PRKAG2: variants seen among roughly 807,000 people sequenced by gnomAD.
The protein encoded by PRKAG2 is protein kinase AMP-activated non-catalytic subunit gamma 2.
A neutral mutation model predicts 69.6 loss-of-function variants in PRKAG2; 26 were observed. The ratio of observed to expected loss-of-function variants is 0.37; its 90% CI spans 0.27 to 0.52. The LOEUF is 0.52. PRKAG2 is among the 20% of genes least tolerant of loss of function. The probability of loss-of-function intolerance (pLI) is 0.90; values close to 1 mark genes in which losing one functional copy is unlikely to be tolerated. For synonymous variants in PRKAG2, 293 were observed against 285.0 expected, an observed-to-expected ratio of 1.03 and a Z score of -0.28; for missense variants, 557 against 740.0, an observed-to-expected ratio of 0.75 and a Z score of 2.87.
intron 3 of PRKAG2, among the ~76,000 whole-genome samples, chr7:151,698,592 C>A (rs559001214): frequency 1.3e-5 from 2 of 152,116 alleles, no homozygotes; most frequent in African/African-American, 2.4e-5. Context: ...CACCATGTGA[C>A]ACCTCAGCTC....
At chr7:151,816,199 A>T (rs1032405642) in intron 1 of PRKAG2, among the ~76,000 whole-genome samples, 18 of 152,212 alleles carry the variant, frequency 1.2e-4, no homozygotes, top group African/African-American at 4.3e-4. Flanking sequence ...GGTACCAGGC[A>T]ATCCAGCTGT....
At chr7:151,857,566 G>A (rs771853858) in intron 1 of PRKAG2, among the ~76,000 whole-genome samples, 16 of 152,246 alleles carry the variant, frequency 1.1e-4, no homozygotes, top group Non-Finnish European at 1.0e-4. Context: ...TCAGGCGCCA[G>A]ACGGCTCCGG....
At chr7:151,806,344 G>A (rs2078100316) in intron 1 of PRKAG2, 3 of 152,328 alleles carry the variant, frequency 2.0e-5, no homozygotes, top group South Asian at 4.1e-4. Flanking sequence ...GGCCAGTGGT[G>A]AAGGCTGGCG....
chr7:151,839,828 G>GC (rs750919676), intron 1 of PRKAG2, among the ~76,000 whole-genome samples: 4 of 152,162 alleles, frequency 2.6e-5, no homozygotes, highest in African/African-American at 4.8e-5. Flanking sequence ...CGTAGCAGGG[G>GC]CCCGCCTTCC....
rs187574379 is a variant in PRKAG2 at position 151,861,986 on chromosome 7, C to T, written c.114+14521G>A. ...GTTCTTGAGAATCTAGTATGAGGGA[C>T]GGCTAGGTCCATGCCCGTCCCCTCA... is the stretch of plus-strand genomic sequence containing the variant. On this transcript the variant is annotated intron_variant, in intron 1 of 15. Transcript: ENST00000287878. Among the ~76,000 whole-genome samples the T allele has an allele frequency of 2.4e-4, 37 of 151,642 alleles. No individual in the cohort carries two copies. The East Asian group carries it at 4.3e-3, about 17-fold the overall frequency.
chr7:151,614,589 GCT>G lies in PRKAG2; in HGVS notation c.754+17478_754+17479del, dbSNP rs1819637821. Among the ~76,000 whole-genome samples, 1 of 151,898 alleles carries G rather than the reference GCT, an allele frequency of 6.6e-6. No homozygotes were observed. The highest frequency in any genetic ancestry group is 1.5e-5 in the Non-Finnish European group (1 of 67,978). ...TCCGCCCCTCACCAGCTTGCTTCCC[GCT>G]CTCTCTCCCCATCTCCACTTGACCT... On this transcript the variant is annotated intron_variant, in intron 5 of 15. Transcript: ENST00000287878. This position sits in a 1 kb window ranked among gnomAD's most constrained non-coding sequence, Gnocchi z 4.4.
intron 15 of PRKAG2, chr7:151,558,473 GA>G (rs1174465806): frequency 1.0e-6 from 1 of 983,498 alleles, no homozygotes; most frequent in East Asian, 1.1e-4. Context: ...CTCTACTGAA[GA>G]AATTGGGGCT....
chr7:151,580,651 A>C (rs1193193796), intron 6 of PRKAG2, among the ~76,000 whole-genome samples: 1 of 152,216 alleles, frequency 6.6e-6, no homozygotes, highest in Non-Finnish European at 1.5e-5. Context: ...GATGCTATGT[A>C]ATCTGTAAGA....
At chr7:151,742,392 C>T (rs1563570678) in intron 3 of PRKAG2, among the ~76,000 whole-genome samples, 1 of 152,162 alleles carries the variant, frequency 6.6e-6, no homozygotes. Flanking sequence ...CTTTGGGAGG[C>T]TGAGGCGGGT....
rs1341207080 is a variant in PRKAG2, at chr7:151,777,270, T to C, written c.466+3882A>G. Among the ~76,000 whole-genome samples, 2 of 152,298 alleles carry C rather than the reference T, an allele frequency of 1.3e-5. No individual in the cohort carries two copies. The highest frequency in any genetic ancestry group is 2.4e-5 in the African/African-American group (1 of 41,572). On this transcript the variant is annotated intron_variant, in intron 3 of 15. Coordinates refer to ENST00000287878, the MANE Select transcript of PRKAG2 (RefSeq NM_016203.4). The surrounding 1 kb of genome is among the most constrained non-coding windows in gnomAD (Gnocchi z 4.3). ...TCCCCAGGCCTGTGCCTGCGTTCCC[T>C]CACTGTGAGCACAGTGTCTGCTGGG...
chr7:151,662,555 T>C (rs1460846946), intron 4 of PRKAG2, among the ~76,000 whole-genome samples: 3 of 152,196 alleles, frequency 2.0e-5, no homozygotes, highest in Non-Finnish European at 4.4e-5. Context: ...ACTGGTTTTC[T>C]GGTTTAGTCT....
chr7:151,677,443 C>T lies in PRKAG2; in HGVS notation c.467-1806G>A, dbSNP rs1274218379. Among the ~76,000 whole-genome samples the T allele has an allele frequency of 1.4e-4, 21 of 152,296 alleles. 1 individual carries two copies. Among genetic ancestry groups the T allele is most frequent in the Admixed American group, 1.1e-3 (17 of 15,298 alleles). On this transcript the variant is annotated intron_variant, in intron 3 of 15. Coordinates refer to ENST00000287878, the MANE Select transcript of PRKAG2 (RefSeq NM_016203.4). Reference sequence around the variant, plus strand: ...CTGACCTCAAGTGATCTGCCTGCCCCGGCCTCCCAAAGTGCTGGGATTGCA... The same window carrying T: ...CTGACCTCAAGTGATCTGCCTGCCCTGGCCTCCCAAAGTGCTGGGATTGCA...
intron 3 of PRKAG2, among the ~76,000 whole-genome samples, chr7:151,715,575 C>T (rs1042802874): frequency 4.6e-5 from 7 of 152,038 alleles, no homozygotes; most frequent in African/African-American, 7.3e-5. Flanking sequence ...AGGCTGGTCT[C>T]GAACTCCTGA....
At chr7:151,577,155 A>G (rs1276864285) in intron 6 of PRKAG2, among the ~76,000 whole-genome samples, 3 of 133,054 alleles carry the variant, frequency 2.3e-5, no homozygotes, top group African/African-American at 9.7e-5. Flanking sequence ...ATTTATTTTT[A>G]GTATTTTCAA....
chr7:151,688,047 C>CCCCA (rs1554539876), intron 3 of PRKAG2, among the ~76,000 whole-genome samples: 1 of 143,086 alleles, frequency 7.0e-6, no homozygotes, highest in African/African-American at 2.6e-5. Context: ...ATGAGGCCCC[C>CCCCA]CCCCGGGCTC....
rs772485522 is a variant in PRKAG2 at position 151,814,354 on chromosome 7, G to A, written c.115-27813C>T. The A allele has an allele frequency of 4.4e-4, 494 of 1,128,630 alleles. 1 individual carries two copies. The highest frequency in any genetic ancestry group is 5.3e-4 in the Non-Finnish European group (479 of 905,698). 69.9% of individuals were successfully genotyped at this position (1,128,630 alleles called of 1,614,324 possible). ...ACAAAGCATCGTGAGGGGGAAAACC[G>A]CACACCCAGGGACGCACAATCACTA... On this transcript the variant is annotated intron_variant, in intron 1 of 15. Transcript: ENST00000287878. The surrounding 1 kb of genome is among the most constrained non-coding windows in gnomAD (Gnocchi z 4.8).
At chr7:151,578,951 C>G (rs181024199) in intron 6 of PRKAG2, among the ~76,000 whole-genome samples, 6 of 152,232 alleles carry the variant, frequency 3.9e-5, no homozygotes, top group African/African-American at 1.4e-4. Context: ...GGTAAGTTTG[C>G]TTTTCTAAAC....
At chr7:151,748,006 C>T (rs1297675172) in intron 3 of PRKAG2, among the ~76,000 whole-genome samples, 3 of 151,026 alleles carry the variant, frequency 2.0e-5, no homozygotes, top group African/African-American at 4.9e-5. Context: ...ACTGTAACTG[C>T]CACCTCCCAG....
At chr7:151,603,025 G>A (rs1346200854) in intron 5 of PRKAG2, among the ~76,000 whole-genome samples, 1 of 152,202 alleles carries the variant, frequency 6.6e-6, no homozygotes, top group African/African-American at 2.4e-5. Flanking sequence ...TTAAAGCAGT[G>A]TGAGAACACA....
Sources: allele counts gnomAD v4.1 joint callset (sites outside exome capture counted in the v4.1 genomes callset), GRCh38; gene constraint gnomAD v4.1.1; non-coding constraint Gnocchi (gnomAD v3.1); transcripts MANE v1.5; gene names NCBI Gene and HGNC (gene_info 2026-07-23, HGNC 2026-07-21).